The following DPP9 variants were observed in gnomAD, a reference collection of about 807,000 sequenced individuals.
DPP9 encodes dipeptidyl peptidase IV-related protein-2.
DPP9 carries 50 observed loss-of-function variants against 110.7 expected under a neutral mutation model. The ratio of observed to expected loss-of-function variants is 0.45; its 90% CI spans 0.36 to 0.57. The LOEUF is 0.57. DPP9 is among the 20% of genes least tolerant of loss of function. The pLI is 0.00. For missense variants in DPP9, 1,022 were observed against 1,217.9 expected, an observed-to-expected ratio of 0.84 and a Z score of 2.39; for synonymous variants, 561 against 514.4, an observed-to-expected ratio of 1.09 and a Z score of -1.23.
Position 4,697,667 on chromosome 19 carries a change from C to G in DPP9, c.1075-16G>C, listed in dbSNP as rs1362777406. Reference sequence around the variant, plus strand: ...TCGAGACGATCTGAAGGGAAACAAACAGGTGTGGGTCATGCCCTGGCCTGC... The same window carrying G: ...TCGAGACGATCTGAAGGGAAACAAAGAGGTGTGGGTCATGCCCTGGCCTGC... On this transcript the variant is annotated splice_polypyrimidine_tract_variant and intron_variant, in intron 10 of 21. Coordinates refer to ENST00000262960, the MANE Select transcript of DPP9 (RefSeq NM_139159.5). The G allele has an allele frequency of 6.2e-7, 1 of 1,611,748 alleles. No individual in the cohort carries two copies. Among genetic ancestry groups the G allele is most frequent in the African/African-American group, 1.3e-5 (1 of 74,908 alleles).
At chr19:4,712,401 T>C (rs2092877269) in intron 4 of DPP9, among the ~76,000 whole-genome samples, 1 of 151,748 alleles carries the variant, frequency 6.6e-6, no homozygotes, top group Non-Finnish European at 1.5e-5. Flanking sequence ...ATACAAAAAA[T>C]TGTCTGGGCA....
In DPP9 at chr19:4,685,251, C is replaced by G. The variant is rs577809220; in HGVS notation, c.2031+375G>C. On this transcript the variant is annotated intron_variant, in intron 17 of 21. Transcript: ENST00000262960. The surrounding 1 kb of genome is among the most constrained non-coding windows in gnomAD (Gnocchi z 5.8). Reference sequence around the variant, plus strand: ...GAGCTGCTCTGGGTAAGATGTGCGCCTAAGATGGTCCAACTGCCAATCTGC... The same window carrying G: ...GAGCTGCTCTGGGTAAGATGTGCGCGTAAGATGGTCCAACTGCCAATCTGC... 2.8e-4 allele frequency: 149 copies of G among 524,118 alleles called. No homozygotes were observed. The highest frequency in any genetic ancestry group is 2.6e-3 in the African/African-American group (140 of 52,874). The allele number at this position is 524,118 out of a possible 1,614,324, so 32.5% of individuals were successfully genotyped here. A position where few individuals can be genotyped will look rare whatever the true frequency, so the allele number is the denominator to read the frequency against.
chr19:4,680,474 G>A (rs904803198), intron 20 of DPP9, among the ~76,000 whole-genome samples: 1 of 152,012 alleles, frequency 6.6e-6, no homozygotes, highest in African/African-American at 2.4e-5. Flanking sequence ...CCAGTACTTT[G>A]GGAGGCCAAG....
chr19:4,699,359 G>A (rs1158594022), intron 10 of DPP9, among the ~76,000 whole-genome samples: 1 of 151,910 alleles, frequency 6.6e-6, no homozygotes, highest in Non-Finnish European at 1.5e-5. Context: ...CAGCCTCTTT[G>A]GCCCAGGGCT....
rs185654770 is a variant in DPP9, at chr19:4,719,846, C to T, written c.56+5G>A. The T allele has an allele frequency of 6.4e-7, 1 of 1,551,794 alleles. No individual in the cohort carries two copies. Among genetic ancestry groups the T allele is most frequent in the Admixed American group, 2.0e-5 (1 of 51,014 alleles). ...ACGGATCAGGGCCTCCGAGGCCAAC[C>T]TCACCTTCTCCAACTTCCGGTGTTC... On this transcript the variant is annotated splice_donor_5th_base_variant and intron_variant, in intron 3 of 21. Coordinates refer to ENST00000262960, the MANE Select transcript of DPP9 (RefSeq NM_139159.5).
chr19:4,722,195 C>T (rs1453838476), intron 2 of DPP9: 2 of 355,942 alleles, frequency 5.6e-6, no homozygotes, highest in East Asian at 4.9e-5. Flanking sequence ...ATTTACTGAC[C>T]GGGTCAGGCA....
chr19:4,700,076 A>T lies in DPP9; in HGVS notation c.1074+140T>A. On this transcript the variant is annotated intron_variant, in intron 10 of 21. Coordinates refer to ENST00000262960, the MANE Select transcript of DPP9 (RefSeq NM_139159.5). This position sits in a 1 kb window ranked among gnomAD's most constrained non-coding sequence, Gnocchi z 4.3. Reference sequence around the variant, plus strand: ...AGACACACAGGGAAGGCCTGTGGCTAGGCGGACCGGGCGGCAGGGCTGGGG... The same window carrying T: ...AGACACACAGGGAAGGCCTGTGGCTTGGCGGACCGGGCGGCAGGGCTGGGG... 1.8e-6 allele frequency: 1 copy of T among 553,736 alleles called. No individual in the cohort carries two copies. The highest frequency in any genetic ancestry group is 3.0e-6 in the Non-Finnish European group (1 of 337,298). The allele number at this position is 553,736 out of a possible 1,614,324, so 34.3% of individuals were successfully genotyped here. A position where few individuals can be genotyped will look rare whatever the true frequency, so the allele number is the denominator to read the frequency against.
At position 4,700,202 on chromosome 19, in the gene DPP9, G is replaced by A. The variant is rs1352485905; in HGVS notation, c.1074+14C>T. The A allele has an allele frequency of 6.4e-7, 1 of 1,557,208 alleles. No homozygotes were observed. The highest frequency in any genetic ancestry group is 8.8e-7 in the Non-Finnish European group (1 of 1,142,066). ...CATCTAGTAGATTATCTGGTATGCA[G>A]CAGGCCCCCTTACCTTGCCCTGGCT... On this transcript the variant is annotated intron_variant, in intron 10 of 21. Coordinates refer to ENST00000262960, the MANE Select transcript of DPP9 (RefSeq NM_139159.5). This position sits in a 1 kb window ranked among gnomAD's most constrained non-coding sequence, Gnocchi z 4.3.
At chr19:4,702,217 C>T (rs894927484) in intron 8 of DPP9, 62 bp from the exon 9 acceptor site, 75 of 1,534,604 alleles carry the variant, frequency 4.9e-5, no homozygotes, top group South Asian at 8.8e-5. Context: ...GCCATCAGCA[C>T]CCCCCGCCCC....
intron 13 of DPP9, among the ~76,000 whole-genome samples, chr19:4,692,419 G>C (rs936357774): frequency 6.6e-6 from 1 of 152,148 alleles, no homozygotes; most frequent in Non-Finnish European, 1.5e-5. Context: ...GTTACTTGTG[G>C]CATCGGGGCC....
In DPP9 at chr19:4,676,406, G is replaced by T; in HGVS notation, c.*158C>A. 1 of 633,884 alleles carries T rather than the reference G, an allele frequency of 1.6e-6. No homozygotes were observed. The highest frequency in any genetic ancestry group is 2.8e-6 in the Non-Finnish European group (1 of 355,792). The allele number at this position is 633,884 out of a possible 1,614,324, so 39.3% of individuals were successfully genotyped here. ...GAGCGTTTAAAAAAGGATAAAAGGC[G>T]TCGGGGCGGTGAAGGCAGCGGCTCC... On this transcript the variant is annotated 3_prime_UTR_variant, in exon 22 of 22. Transcript: ENST00000262960. The surrounding 1 kb of genome is among the most constrained non-coding windows in gnomAD (Gnocchi z 4.0).
chr19:4,702,288 C>A (rs1427918607), intron 8 of DPP9, 133 bp from the exon 9 acceptor site: 3 of 1,247,884 alleles, frequency 2.4e-6, no homozygotes, highest in Non-Finnish European at 3.3e-6. Context: ...CCCGGCTCTG[C>A]CATTCGCTAG....
chr19:4,683,189 CCT>C, intron 19 of DPP9: 1 of 1,433,178 alleles, frequency 7.0e-7, no homozygotes, highest in Non-Finnish European at 9.1e-7. Flanking sequence ...CCATGCCCCA[CCT>C]CTGCCCATCC....
intron 19 of DPP9, chr19:4,683,102 T>G (rs2090152653): frequency 7.2e-7 from 1 of 1,391,868 alleles, no homozygotes; most frequent in South Asian, 1.3e-5. Context: ...CCCGTCTGCC[T>G]CCTCCTCCTC....
chr19:4,714,139 G>A lies in DPP9; in HGVS notation c.255C>T (p.Phe85=), dbSNP rs771797026. 17 of 1,613,414 alleles carry A rather than the reference G, an allele frequency of 1.1e-5. No homozygotes were observed. Among genetic ancestry groups the A allele is most frequent in the Non-Finnish European group, 1.4e-5 (16 of 1,179,732 alleles). ...ACTCATCCGTCTTCTGCACAAACTG[G>A]AAGTCGTGGGGCGCCTTGTTGACAA... ...GLIVNKAPHD[F]QFVQKTDESG... is the part of the protein sequence containing the mutation. The change falls in exon 4 of 22, where the codon TTC becomes TTT. Residue 85 remains phenylalanine, a synonymous_variant. Coordinates refer to ENST00000262960, the MANE Select transcript of DPP9 (RefSeq NM_139159.5).
rs893974638 is a variant in DPP9 at position 4,682,881 on chromosome 19, A to G, written c.2332-43T>C. The stretch of plus-strand genomic sequence containing the variant: ...CAGATGGGGGCAGAGAGAGAGAGAG[A>G]AACAGGCGTCGGGTCCTACAGCCAG... On this transcript the variant is annotated intron_variant, in intron 19 of 21. Coordinates refer to ENST00000262960, the MANE Select transcript of DPP9 (RefSeq NM_139159.5). This position sits in a 1 kb window ranked among gnomAD's most constrained non-coding sequence, Gnocchi z 7.1. The G allele has an allele frequency of 2.6e-6, 4 of 1,554,384 alleles. No individual in the cohort carries two copies. The African/African-American group carries it at 5.5e-5, about 21-fold the overall frequency.
chr19:4,712,391 A>G (rs987177101), intron 4 of DPP9, among the ~76,000 whole-genome samples: 5 of 152,118 alleles, frequency 3.3e-5, no homozygotes, highest in Non-Finnish European at 5.9e-5. Flanking sequence ...TCTACAAAAA[A>G]TACAAAAAAT....
chr19:4,722,886 G>A (rs1370488049), intron 1 of DPP9: 1 of 287,144 alleles, frequency 3.5e-6, no homozygotes, highest in Non-Finnish European at 6.6e-6. Flanking sequence ...CCCTGGGGAA[G>A]ACCAGGGGGT....
At position 4,695,769 on chromosome 19, in the gene DPP9, C is replaced by G. The variant is rs900538642; in HGVS notation, c.1176-214G>C. Among the ~76,000 whole-genome samples the G allele has an allele frequency of 3.0e-4, 45 of 152,354 alleles. No homozygotes were observed. The highest frequency in any genetic ancestry group is 4.6e-4 in the Non-Finnish European group (31 of 68,034). On this transcript the variant is annotated intron_variant, in intron 11 of 21. Coordinates refer to ENST00000262960, the MANE Select transcript of DPP9 (RefSeq NM_139159.5). This position sits in a 1 kb window ranked among gnomAD's most constrained non-coding sequence, Gnocchi z 4.7. ...GAGGACAGGATGGGTGACAAGATTT[C>G]ATGATCCAAGTGTTCCGGAAACAAT...
Sources: gnomAD v4.1 joint callset for allele counts (sites outside exome capture counted in the v4.1 genomes callset) on GRCh38, gnomAD v4.1.1 for gene constraint, Gnocchi (gnomAD v3.1) non-coding constraint, MANE v1.5 for transcripts, NCBI Gene and HGNC (gene_info 2026-07-23, HGNC 2026-07-21) for gene names.